ANTXR2: variants seen among roughly 807,000 people sequenced by gnomAD.
ANTXR2 encodes anthrax toxin receptor 2.
A neutral mutation model predicts 73.7 loss-of-function variants in ANTXR2; 44 were observed. The observed-to-expected ratio is 0.60, with a 90% CI of 0.47 to 0.77. The LOEUF is 0.77. Ranked by LOEUF, ANTXR2 falls within the 30% of genes least tolerant of loss-of-function variation. The pLI, the probability that ANTXR2 is intolerant of heterozygous loss-of-function variation, is 0.00. For synonymous variants in ANTXR2, 217 were observed against 205.9 expected (o/e 1.05, Z -0.46); for missense variants, 604 against 592.5 (o/e 1.02, Z -0.20).
At chr4:80,016,494 C>T (rs966143923) in intron 11 of ANTXR2, among the ~76,000 whole-genome samples, 11 of 152,200 alleles carry the variant, frequency 7.2e-5, no homozygotes, top group African/African-American at 2.7e-4. Context: ...GCCACTATTT[C>T]CCAGTAAATA....
chr4:79,986,463 G>T lies in ANTXR2; in HGVS notation c.1042-1600C>A, dbSNP rs182845173. Among the ~76,000 whole-genome samples, 179 of 152,204 alleles carry T rather than the reference G, an allele frequency of 1.2e-3. 3 individuals are homozygous for T. Among genetic ancestry groups the T allele is most frequent in the African/African-American group, 4.1e-3 (171 of 41,512 alleles). On this transcript the variant is annotated intron_variant, in intron 12 of 16. Transcript: ENST00000403729. ...TTTAAAGACTGTTTGTCTTTTAAAG[G>T]TATGTACAAATATTTCCAGGTGAAA...
At chr4:80,036,232 T>C (rs1160971098) in intron 7 of ANTXR2, among the ~76,000 whole-genome samples, 200 bp from the exon 8 acceptor site, 7 of 152,116 alleles carry the variant, frequency 4.6e-5, no homozygotes, top group Non-Finnish European at 1.0e-4. Flanking sequence ...TTTAAGATTA[T>C]GTACTGTAGG....
chr4:79,946,411 T>C (rs144732547), intron 16 of ANTXR2, among the ~76,000 whole-genome samples: 169 of 152,272 alleles, frequency 1.1e-3, no homozygotes, highest in African/African-American at 3.8e-3. Flanking sequence ...GTCACATTGG[T>C]AACAGAGGTC....
chr4:79,958,854 C>T (rs1049617517), intron 16 of ANTXR2, among the ~76,000 whole-genome samples: 2 of 152,080 alleles, frequency 1.3e-5, no homozygotes, highest in Non-Finnish European at 2.9e-5. Flanking sequence ...TTTCTGTAAA[C>T]TGGACTAATG....
At chr4:80,072,022 C>G (rs1053204016) in intron 1 of ANTXR2, among the ~76,000 whole-genome samples, 5 of 152,134 alleles carry the variant, frequency 3.3e-5, no homozygotes, top group African/African-American at 9.7e-5. Flanking sequence ...CCAATGAAAG[C>G]GCTATGATTA....
At chr4:80,034,874 A>C (rs2110085883) in intron 8 of ANTXR2, among the ~76,000 whole-genome samples, 1 of 152,258 alleles carries the variant, frequency 6.6e-6, no homozygotes. Context: ...CTATGTTATG[A>C]AAGGAATTTC....
Position 79,905,608 on chromosome 4 carries a change from T to A in ANTXR2, c.*1821A>T, listed in dbSNP as rs1441220121. The A allele has an allele frequency of 9.9e-5, 15 of 152,188 alleles. No homozygotes were observed. The highest frequency in any genetic ancestry group is 9.2e-4 in the Admixed American group (14 of 15,268). 9.4% of individuals were successfully genotyped at this position (152,188 alleles called of 1,614,324 possible). A position where few individuals can be genotyped will look rare whatever the true frequency, so the allele number is the denominator to read the frequency against. On this transcript the variant is annotated 3_prime_UTR_variant, in exon 17 of 17. Transcript: ENST00000403729. The stretch of plus-strand genomic sequence containing the variant: ...TTTTATTTATGAATGTGTGGACACA[T>A]GACTTTGGATCCAGCCAGCCAGTGA...
intron 11 of ANTXR2, among the ~76,000 whole-genome samples, chr4:80,011,301 ATCTATCTATCTATCTG>A (rs1560986265): frequency 6.6e-6 from 1 of 151,066 alleles, no homozygotes; most frequent in Non-Finnish European, 1.5e-5. Context: ...CTATCTATCT[ATCTATCTATCTATCTG>A]TCTATCATCT....
Position 79,907,117 on chromosome 4 carries a change from C to T in ANTXR2, c.*312G>A. On this transcript the variant is annotated 3_prime_UTR_variant, in exon 17 of 17. Coordinates refer to ENST00000403729, the MANE Select transcript of ANTXR2 (RefSeq NM_058172.6). ...CGTGTTGTTGCTGTTGTTGCTTTTT[C>T]CTCTTCTACACATTCAAACAAACTT... 2 of 362,612 alleles carry T rather than the reference C, an allele frequency of 5.5e-6. No individual in the cohort carries two copies. Among genetic ancestry groups the T allele is most frequent in the Non-Finnish European group, 9.9e-6 (2 of 202,432 alleles). The allele number at this position is 362,612 out of a possible 1,614,324, so 22.5% of individuals were successfully genotyped here. A position where few individuals can be genotyped will look rare whatever the true frequency, so the allele number is the denominator to read the frequency against.
intron 12 of ANTXR2, among the ~76,000 whole-genome samples, chr4:80,005,571 A>T (rs1731264589): frequency 6.6e-6 from 1 of 152,082 alleles, no homozygotes; most frequent in Non-Finnish European, 1.5e-5. Flanking sequence ...AAAACTCAAG[A>T]TCCTTTTCCA....
At chr4:80,014,335 G>C (rs926481035) in intron 11 of ANTXR2, among the ~76,000 whole-genome samples, 3 of 152,090 alleles carry the variant, frequency 2.0e-5, no homozygotes, top group Non-Finnish European at 4.4e-5. Context: ...TTGGGAGACT[G>C]AGGCGGCCAA....
chr4:79,950,203 T>G (rs113547827), intron 16 of ANTXR2, among the ~76,000 whole-genome samples: 9 of 152,174 alleles, frequency 5.9e-5, no homozygotes, highest in African/African-American at 2.2e-4. Context: ...TCATCTCTAT[T>G]CATATTCTTT....
At chr4:79,926,931 A>ATGTGTGCATATATGTGTATACACATG (rs10674128) in intron 16 of ANTXR2, among the ~76,000 whole-genome samples, 12 of 118,594 alleles carry the variant, frequency 1.0e-4, no homozygotes, top group Non-Finnish European at 1.9e-4. Flanking sequence ...ATATATACAC[A>ATGTGTGCATATATGTGTATACACATG]TGTGCATATA....
At chr4:80,000,836 G>C (rs750392374) in intron 12 of ANTXR2, among the ~76,000 whole-genome samples, 2 of 152,032 alleles carry the variant, frequency 1.3e-5, no homozygotes, top group Non-Finnish European at 2.9e-5. Context: ...CCTCCATAGA[G>C]TGAAGGTCAA....
At chr4:79,930,685 C>T (rs1310918646) in intron 16 of ANTXR2, among the ~76,000 whole-genome samples, 2 of 152,138 alleles carry the variant, frequency 1.3e-5, no homozygotes, top group African/African-American at 4.8e-5. Flanking sequence ...CTATTACCTC[C>T]CACTAACGTG....
At chr4:80,006,142 C>A (rs1437307609) in intron 12 of ANTXR2, among the ~76,000 whole-genome samples, 1 of 152,002 alleles carries the variant, frequency 6.6e-6, no homozygotes, top group Non-Finnish European at 1.5e-5. Context: ...CTTGGCAAAC[C>A]CTTCCTCCTT....
chr4:80,025,563 C>A (rs1288261005), intron 10 of ANTXR2, among the ~76,000 whole-genome samples: 1 of 152,044 alleles, frequency 6.6e-6, no homozygotes, highest in Non-Finnish European at 1.5e-5. Flanking sequence ...GGCAGCTACT[C>A]AAAAAGTTAT....
intron 12 of ANTXR2, among the ~76,000 whole-genome samples, chr4:79,990,614 T>G (rs763733322): frequency 2.0e-5 from 3 of 152,004 alleles, no homozygotes; most frequent in African/African-American, 7.2e-5. Context: ...TCATTTTTCA[T>G]AGAATTAGAG....
intron 11 of ANTXR2, among the ~76,000 whole-genome samples, chr4:80,014,575 T>A (rs1228110140): frequency 2.0e-5 from 3 of 151,608 alleles, no homozygotes; most frequent in Non-Finnish European, 4.4e-5. Context: ...AAAAAATATA[T>A]ATATATAAAT....
Sources: gnomAD v4.1 joint callset for allele counts (sites outside exome capture counted in the v4.1 genomes callset) on GRCh38, gnomAD v4.1.1 for gene constraint, MANE v1.5 for transcripts, NCBI Gene and HGNC (gene_info 2026-07-23, HGNC 2026-07-21) for gene names.